ANO3: variants seen among roughly 807,000 people sequenced by gnomAD.
ANO3 encodes the protein anoctamin-3.
In ANO3, 99 loss-of-function variants were observed where a neutral mutation model predicts 144.8. The ratio of observed to expected loss-of-function variants is 0.68; its 90% CI spans 0.58 to 0.81. The LOEUF (loss-of-function observed/expected upper bound fraction) is 0.81, where lower values mean the gene tolerates loss of function less well. Among genes scored for constraint, ANO3 ranks in the 30% least tolerant of loss-of-function variants. ANO3 has a pLI of 0.00. For synonymous variants in ANO3, 414 were observed against 392.6 expected, an observed-to-expected ratio of 1.05 and a Z score of -0.64; for missense variants, 905 against 1,202.2, an observed-to-expected ratio of 0.75 and a Z score of 3.66.
At chr11:26,378,553 A>G (rs1007025765) in intron 1 of ANO3, among the ~76,000 whole-genome samples, 4 of 151,970 alleles carry the variant, frequency 2.6e-5, no homozygotes, top group Admixed American at 6.6e-5. Flanking sequence ...GAGAAAATTT[A>G]AAAAATTAAA....
At chr11:26,636,921 A>G (rs911680201) in intron 20 of ANO3, among the ~76,000 whole-genome samples, 5 of 152,144 alleles carry the variant, frequency 3.3e-5, no homozygotes, top group African/African-American at 1.2e-4. Flanking sequence ...ACCAACAACT[A>G]CCCTGCCAGG....
At chr11:26,305,642 G>GAACT (rs1854363634), upstream of ANO3, among the ~76,000 whole-genome samples, 1 of 152,096 alleles carries the variant, frequency 6.6e-6, no homozygotes. Context: ...TTCTAAAGAT[G>GAACT]AACTAATCTT....
intron 8 of ANO3, among the ~76,000 whole-genome samples, chr11:26,532,435 A>G (rs1849398230): frequency 1.3e-5 from 2 of 152,256 alleles, no homozygotes; most frequent in African/African-American, 4.8e-5. Flanking sequence ...AACCAGAGTA[A>G]TCTTTGGAAA....
chr11:26,563,395 C>CTCTCTGTGTG (rs371195680), intron 14 of ANO3: 56 of 540,112 alleles, frequency 1.0e-4, no homozygotes, highest in African/African-American at 9.5e-4. Context: ...GTTTCTCTCT[C>CTCTCTGTGTG]TGTGTGTGTG....
At position 26,467,566 on chromosome 11, in the gene ANO3, C is replaced by A. The variant is rs368373323; in HGVS notation, c.432+4418C>A. Among the ~76,000 whole-genome samples, 55 of 151,954 alleles carry A rather than the reference C, an allele frequency of 3.6e-4. No individual in the cohort carries two copies. The East Asian group carries it at 0.01, about 28-fold the overall frequency. Reference sequence around the variant, plus strand: ...TCTGTGCCTGACTGATTTCCTTTAGCATAATGACCTCCAGTTCCATCCATA... The same window carrying A: ...TCTGTGCCTGACTGATTTCCTTTAGAATAATGACCTCCAGTTCCATCCATA... On this transcript the variant is annotated intron_variant, in intron 4 of 26. Transcript: ENST00000256737.
At chr11:26,533,925 ATAAAG>A (rs1373815755) in intron 8 of ANO3, among the ~76,000 whole-genome samples, 1 of 152,216 alleles carries the variant, frequency 6.6e-6, no homozygotes, top group Non-Finnish European at 1.5e-5. Context: ...CCAGCATACT[ATAAAG>A]TAAATACTGA....
chr11:26,196,865 C>G (rs1319748575), intron 1 of ANO3, among the ~76,000 whole-genome samples: 1 of 152,084 alleles, frequency 6.6e-6, no homozygotes, highest in Admixed American at 6.5e-5. Flanking sequence ...TGTAAGTCAA[C>G]AGTATAATGT....
At chr11:26,484,538 T>C (rs963339728) in intron 4 of ANO3, among the ~76,000 whole-genome samples, 6 of 152,258 alleles carry the variant, frequency 3.9e-5, no homozygotes, top group African/African-American at 1.2e-4. Flanking sequence ...TGCTTGGATG[T>C]CCAGGCAGAA....
At chr11:26,639,603 A>G (rs1453874925) in intron 21 of ANO3, among the ~76,000 whole-genome samples, 1 of 152,212 alleles carries the variant, frequency 6.6e-6, no homozygotes, top group East Asian at 1.9e-4. Context: ...CTACCAGCAG[A>G]CCAAGTTTGT....
intron 17 of ANO3, among the ~76,000 whole-genome samples, chr11:26,603,882 A>G (rs1042162640): frequency 1.3e-5 from 2 of 152,136 alleles, no homozygotes; most frequent in African/African-American, 4.8e-5. Flanking sequence ...AAACATATGT[A>G]TGTTGTATAA....
intron 1 of ANO3, among the ~76,000 whole-genome samples, chr11:26,435,456 T>G (rs1000341203): frequency 3.3e-5 from 5 of 152,324 alleles, no homozygotes; most frequent in African/African-American, 9.6e-5. Context: ...TGACTATTGG[T>G]CTCTCTAGCA....
chr11:26,655,071 AG>A (rs1853644478), intron 24 of ANO3, among the ~76,000 whole-genome samples: 1 of 152,092 alleles, frequency 6.6e-6, no homozygotes, highest in African/African-American at 2.4e-5. Flanking sequence ...GATTTGTAGA[AG>A]GCCTTTTTCT....
chr11:26,649,042 A>T (rs368075713), intron 24 of ANO3, among the ~76,000 whole-genome samples: 2 of 152,150 alleles, frequency 1.3e-5, no homozygotes, highest in African/African-American at 4.8e-5. Flanking sequence ...AAGGATTTTA[A>T]CTTGAAGCCG....
At chr11:26,561,173 A>G in intron 14 of ANO3, 6 of 1,612,688 alleles carry the variant, frequency 3.7e-6, no homozygotes, top group Non-Finnish European at 5.1e-6. Context: ...TGTAGTAGCT[A>G]GAATTCCCAA....
At chr11:26,635,337 TC>T (rs1427330023) in intron 20 of ANO3, among the ~76,000 whole-genome samples, 1 of 149,630 alleles carries the variant, frequency 6.7e-6, no homozygotes, top group Non-Finnish European at 1.5e-5. Flanking sequence ...CCAGTAATTT[TC>T]CTTTTTTTTT....
intron 17 of ANO3, among the ~76,000 whole-genome samples, chr11:26,616,821 G>A (rs112151561): frequency 1.0e-3 from 157 of 152,152 alleles, no homozygotes; most frequent in African/African-American, 3.7e-3. Flanking sequence ...TGCCCAGGAT[G>A]GAGTGCAGTG....
intron 1 of ANO3, among the ~76,000 whole-genome samples, chr11:26,254,003 T>C (rs1852998081): frequency 6.6e-6 from 1 of 152,198 alleles, no homozygotes; most frequent in African/African-American, 2.4e-5. Flanking sequence ...CATGTGATGC[T>C]AACCAAGCCC....
chr11:26,586,056 C>T (rs1851265754), intron 14 of ANO3, among the ~76,000 whole-genome samples: 1 of 152,182 alleles, frequency 6.6e-6, no homozygotes, highest in African/African-American at 2.4e-5. Context: ...GTAACCATGA[C>T]TTTGACTGCT....
chr11:26,649,436 G>C (rs1048831462), intron 24 of ANO3, among the ~76,000 whole-genome samples: 2 of 152,104 alleles, frequency 1.3e-5, no homozygotes, highest in South Asian at 2.1e-4. Flanking sequence ...GGACCTAGTT[G>C]GTTCATAATA....
Sources: allele counts gnomAD v4.1 joint callset (sites outside exome capture counted in the v4.1 genomes callset), GRCh38; gene constraint gnomAD v4.1.1; transcripts MANE v1.5; gene names NCBI Gene and HGNC (gene_info 2026-07-23, HGNC 2026-07-21).